The following DCTN2 variants were observed in gnomAD, a reference collection of about 807,000 sequenced individuals.
DCTN2 encodes the protein 50 kDa dynein-associated polypeptide.
A neutral mutation model predicts 55.4 loss-of-function variants in DCTN2; 18 were observed. The ratio of observed to expected loss-of-function variants is 0.32; its 90% confidence interval spans 0.22 to 0.48. The LOEUF is 0.48. DCTN2 is among the 20% of genes least tolerant of loss of function. DCTN2 has a pLI of 0.99. For synonymous variants in DCTN2, 168 were observed against 185.2 expected (o/e 0.91, Z 0.76); for missense variants, 390 against 491.0 (o/e 0.79, Z 1.94).
At chr12:57,533,208 G>T in intron 8 of DCTN2, 30 bp downstream of exon 8, 2 of 1,610,552 alleles carry the variant, frequency 1.2e-6, no homozygotes, top group Non-Finnish European at 1.7e-6. Context: ...AGGATCTAAG[G>T]CTCAGATTAT....
At chr12:57,531,159 C>T (rs934182175) in intron 13 of DCTN2, among the ~76,000 whole-genome samples, 1 of 152,078 alleles carries the variant, frequency 6.6e-6, no homozygotes, top group African/African-American at 2.4e-5. Context: ...TCTCAGTGAT[C>T]CTGTGATTGA....
chr12:57,531,959 G>C, intron 13 of DCTN2, 56 bp downstream of exon 13: 1 of 1,551,390 alleles, frequency 6.4e-7, no homozygotes, highest in Middle Eastern at 1.7e-4. Context: ...TAACACTGGA[G>C]AACCTAGTTT....
intron 7 of DCTN2, among the ~76,000 whole-genome samples, 189 bp from the exon 8 acceptor site, chr12:57,533,492 T>C (rs950237833): frequency 4.6e-5 from 7 of 151,876 alleles, no homozygotes; most frequent in Non-Finnish European, 8.8e-5. Context: ...GAGAATGAGG[T>C]CGGGCGCGGT....
At chr12:57,530,843 G>T in intron 13 of DCTN2, 68 bp from the exon 14 acceptor site, 1 of 1,303,354 alleles carries the variant, frequency 7.7e-7, no homozygotes, top group Non-Finnish European at 1.1e-6. Flanking sequence ...GGACCTGAAG[G>T]AATTCTCTGA....
chr12:57,535,276 A>T, intron 4 of DCTN2, 122 bp from the exon 5 acceptor site: 1 of 979,134 alleles, frequency 1.0e-6, no homozygotes, highest in Non-Finnish European at 1.5e-6. Flanking sequence ...ACAACACCCT[A>T]GTACCAAAGA....
intron 2 of DCTN2, 85 bp downstream of exon 2, chr12:57,545,943 C>G: frequency 7.0e-7 from 1 of 1,436,000 alleles, no homozygotes; most frequent in Non-Finnish European, 9.7e-7. Context: ...CCGCTTATTG[C>G]TGTAGCTCCC....
rs566029927 is a variant in DCTN2, at chr12:57,530,486, C to T, written c.*203G>A. On this transcript the variant is annotated 3_prime_UTR_variant, in exon 14 of 14. Coordinates refer to ENST00000548249, the MANE Select transcript of DCTN2 (RefSeq NM_001261413.2). ...ATCCCCCAGGCCTGAGGGGAGACCA[C>T]CTTCTGATGATAACCAACCCCTAGC... The T allele has an allele frequency of 1.6e-5, 8 of 513,116 alleles. No individual in the cohort carries two copies. Among genetic ancestry groups the T allele is most frequent in the East Asian group, 6.0e-5 (2 of 33,094 alleles). The allele number at this position is 513,116 out of a possible 1,614,324, so 31.8% of individuals were successfully genotyped here. A position where few individuals can be genotyped will look rare whatever the true frequency, so the allele number is the denominator to read the frequency against.
In DCTN2 at chr12:57,530,825, C is replaced by T. The variant is rs1480793439; in HGVS notation, c.1120-50G>A. On this transcript the variant is annotated intron_variant, in intron 13 of 13. Transcript: ENST00000548249. ...CTCTTTGTCAGGTCCAGTTGCTTAA[C>T]TGGATGAGGACCTGAAGGAATTCTC... 2.1e-6 allele frequency: 3 copies of T among 1,447,344 alleles called. No individual in the cohort carries two copies. The African/African-American group carries it at 4.2e-5, about 20-fold the overall frequency. The allele number at this position is 1,447,344 out of a possible 1,614,324, so 89.7% of individuals were successfully genotyped here.
At chr12:57,541,272 G>A (rs1441167444) in intron 2 of DCTN2, 6 of 1,495,678 alleles carry the variant, frequency 4.0e-6, no homozygotes, top group Non-Finnish European at 5.5e-6. Flanking sequence ...AATTTAAAAC[G>A]ATTAGCTACA....
chr12:57,543,032 G>A (rs1880829149), intron 2 of DCTN2: 1 of 455,274 alleles, frequency 2.2e-6, no homozygotes, highest in South Asian at 1.6e-5. Flanking sequence ...GATTAAGGCG[G>A]AGAATGCTGT....
Position 57,533,954 on chromosome 12 carries a change from T to C in DCTN2, c.668A>G (p.Lys223Arg), listed in dbSNP as rs1054648234. Residue 223 changes from lysine to arginine, a missense_variant and splice_region_variant, in exon 7 of 14, where the codon AAA becomes AGA. This residue lies in a region of DCTN2 where 273 missense variants were observed against 303.2 expected (regional missense o/e 0.90). Transcript: ENST00000548249. The stretch of plus-strand genomic sequence containing the variant: ...AACCAACACTGTATCCACACTTACT[T>C]TGGCAGCTTGAGAGAACTTGTCCTG... ...PEQDKFSQAAKVAELEKRLTE... is the reference protein window; with the variant it reads ...PEQDKFSQAARVAELEKRLTE... 6.2e-6 allele frequency: 10 copies of C among 1,607,056 alleles called. No homozygotes were observed. Among genetic ancestry groups the C allele is most frequent in the Middle Eastern group, 1.7e-4 (1 of 5,956 alleles).
At chr12:57,544,903 G>A (rs1881021862) in intron 2 of DCTN2, among the ~76,000 whole-genome samples, 1 of 152,270 alleles carries the variant, frequency 6.6e-6, no homozygotes, top group Admixed American at 6.5e-5. Flanking sequence ...CAAGCTTAGG[G>A]GATAGATTGG....
In DCTN2 at chr12:57,530,672, C is replaced by T; in HGVS notation, c.*17G>A. On this transcript the variant is annotated 3_prime_UTR_variant, in exon 14 of 14. Transcript: ENST00000548249. ...CAGGGGTAGGGATAACCCCTGTTCT[C>T]CAGCTCCCAAATGTGCTCACTTTCC... The T allele has an allele frequency of 6.2e-7, 1 of 1,609,750 alleles. No homozygotes were observed. The highest frequency in any genetic ancestry group is 8.5e-7 in the Non-Finnish European group (1 of 1,176,524).
chr12:57,544,070 C>A, intron 2 of DCTN2: 1 of 433,760 alleles, frequency 2.3e-6, no homozygotes, highest in Non-Finnish European at 4.6e-6. Context: ...CTGTTTGTAT[C>A]ACAGCGACAA....
chr12:57,544,054 A>C (rs1292316981), intron 2 of DCTN2: 1 of 429,168 alleles, frequency 2.3e-6, no homozygotes, highest in East Asian at 7.1e-5. Context: ...ATTACTGTGA[A>C]ACTACCTGTT....
rs371963229 is a variant in DCTN2, at chr12:57,547,091, C to T, written c.-28G>A. 606 of 1,260,334 alleles carry T rather than the reference C, an allele frequency of 4.8e-4. No homozygotes were observed. Among genetic ancestry groups the T allele is most frequent in the Middle Eastern group, 3.7e-3 (16 of 4,330 alleles). 78.1% of individuals were successfully genotyped at this position (1,260,334 alleles called of 1,614,324 possible). ...CGGCGGCGAGACGGGCTGGGGGACC[C>T]GGGCCTCGGTGGAGCCGGGGCCGGT... On this transcript the variant is annotated 5_prime_UTR_variant, in exon 1 of 14. Transcript: ENST00000548249.
In DCTN2 at chr12:57,547,034, G is replaced by C; in HGVS notation, c.30C>G (p.Pro10=). The C allele has an allele frequency of 1.6e-6, 2 of 1,289,988 alleles. No homozygotes were observed. The highest frequency in any genetic ancestry group is 6.9e-5 in the South Asian group (2 of 28,888). The allele number at this position is 1,289,988 out of a possible 1,614,324, so 79.9% of individuals were successfully genotyped here. A position where few individuals can be genotyped will look rare whatever the true frequency, so the allele number is the denominator to read the frequency against. MADPKYADL[P]GIARNEPDVY... ...GGGCCGGTCCTGTACTCACAATGCCGGGAAGGTCGGCGTATTTAGGGTCCG... is the reference window on the plus strand; with the variant it reads ...GGGCCGGTCCTGTACTCACAATGCCCGGAAGGTCGGCGTATTTAGGGTCCG... The change falls in exon 1 of 14, where the codon CCC becomes CCG. Residue 10 remains proline, a synonymous_variant. Coordinates refer to ENST00000548249, the MANE Select transcript of DCTN2 (RefSeq NM_001261413.2).
chr12:57,539,825 G>A (rs535425501), intron 2 of DCTN2, among the ~76,000 whole-genome samples: 7 of 152,080 alleles, frequency 4.6e-5, no homozygotes, highest in South Asian at 2.1e-4. Context: ...TCAGGAGTTC[G>A]AGACCAGCCT....
chr12:57,531,211 C>T (rs905674981), intron 13 of DCTN2, among the ~76,000 whole-genome samples: 3 of 152,158 alleles, frequency 2.0e-5, no homozygotes, highest in Non-Finnish European at 4.4e-5. Context: ...GCACTGAGAA[C>T]AGTGCCTCCA....
Sources: gnomAD v4.1 joint callset for allele counts (sites outside exome capture counted in the v4.1 genomes callset) on GRCh38, gnomAD v4.1.1 for gene constraint, gnomAD v4.1.1 regional missense constraint, MANE v1.5 for transcripts, NCBI Gene and HGNC (gene_info 2026-07-23, HGNC 2026-07-21) for gene names.